Variants in HELZ observed in about 807,000 individuals in gnomAD.
HELZ encodes ATP-dependent RNA helicase with zinc finger domain.
HELZ carries 23 observed loss-of-function variants against 218.2 expected under a neutral mutation model. The ratio of observed to expected loss-of-function variants is 0.11; its 90% CI spans 0.08 to 0.15. The LOEUF is 0.15. Ranked by LOEUF, HELZ falls within the 10% of genes least tolerant of loss-of-function variation. The pLI, the probability that HELZ is intolerant of heterozygous loss-of-function variation, is 1.00. For missense variants in HELZ, 1,813 were observed against 2,353.7 expected (o/e 0.77, Z 4.75); for synonymous variants, 814 against 829.4 (o/e 0.98, Z 0.32).
intron 1 of HELZ, 83 bp downstream of exon 1, chr17:67,245,065 G>A (rs1381765922): frequency 1.0e-6 from 1 of 984,516 alleles, no homozygotes; most frequent in Non-Finnish European, 1.2e-6. Flanking sequence ...GGACACCGGA[G>A]GGGAGTCGGG....
intron 3 of HELZ, among the ~76,000 whole-genome samples, chr17:67,226,129 G>A (rs138530245): frequency 0.011 from 1,601 of 151,520 alleles, 29 homozygotes; most frequent in African/African-American, 0.036. Context: ...GTGTGGTGGC[G>A]TGCACCTGTA....
Position 67,078,379 on chromosome 17 carries a change from C to T in HELZ, c.5702G>A (p.Arg1901Gln), listed in dbSNP as rs777032825. Reference sequence around the variant, plus strand: ...AGGGGGCCTGGGCTTTGGAGGGGCCCGCAGAGCGCTGGCATAGGACATGGC... The same window carrying T: ...AGGGGGCCTGGGCTTTGGAGGGGCCTGCAGAGCGCTGGCATAGGACATGGC... ...KPAMSYASAL[R>Q]APPKPRPPPE... is the part of the protein sequence containing the mutation. The change falls in exon 33 of 33, where the codon CGG (arginine) becomes CAG (glutamine). Residue 1901 changes from arginine to glutamine, a missense_variant. Arg to Gln is a conservative substitution (Grantham distance 43, BLOSUM62 1). Around this residue, in one of 4 missense-constraint regions of HELZ, gnomAD observed 938 missense variants for 1,027.5 expected, o/e 0.91. Transcript: ENST00000358691. 10 of 1,610,128 alleles carry T rather than the reference C, an allele frequency of 6.2e-6. No individual in the cohort carries two copies. Among genetic ancestry groups the T allele is most frequent in the African/African-American group, 1.3e-5 (1 of 74,636 alleles).
intron 31 of HELZ, among the ~76,000 whole-genome samples, chr17:67,099,636 T>C (rs2036860793): frequency 6.6e-6 from 1 of 152,204 alleles, no homozygotes; most frequent in Non-Finnish European, 1.5e-5. Flanking sequence ...AAAGATAGTT[T>C]TAGTTTGAGT....
intron 5 of HELZ, among the ~76,000 whole-genome samples, chr17:67,208,525 T>C (rs2143185905): frequency 6.6e-6 from 1 of 152,286 alleles, no homozygotes; most frequent in Non-Finnish European, 1.5e-5. Flanking sequence ...TAACCTATAA[T>C]TATTTCAGAA....
At chr17:67,168,223 C>T (rs916355793) in intron 13 of HELZ, among the ~76,000 whole-genome samples, 1 of 152,144 alleles carries the variant, frequency 6.6e-6, no homozygotes, top group Non-Finnish European at 1.5e-5. Context: ...AGGTGATCCA[C>T]CCACCTCTGC....
intron 16 of HELZ, 121 bp from the exon 17 acceptor site, chr17:67,160,483 G>A: frequency 1.5e-6 from 1 of 647,072 alleles, no homozygotes; most frequent in Non-Finnish European, 2.7e-6. Flanking sequence ...ACCCTACTCA[G>A]TAATCCCTAG....
chr17:67,071,596 T>A lies in HELZ; in HGVS notation c.*6656A>T, dbSNP rs1409392910. 3.3e-5 allele frequency: 5 copies of A among 152,200 alleles called. No individual in the cohort carries two copies. Among genetic ancestry groups the A allele is most frequent in the Non-Finnish European group, 7.3e-5 (5 of 68,038 alleles). 9.4% of individuals were successfully genotyped at this position (152,200 alleles called of 1,614,324 possible). A position where few individuals can be genotyped will look rare whatever the true frequency, so the allele number is the denominator to read the frequency against. Reference sequence around the variant, plus strand: ...TAAAAATAGCTTTTTTTTGTCTTTCTAGTAGCTCAGTAAATTCAAAGGCAA... The same window carrying A: ...TAAAAATAGCTTTTTTTTGTCTTTCAAGTAGCTCAGTAAATTCAAAGGCAA... On this transcript the variant is annotated 3_prime_UTR_variant, in exon 33 of 33. Coordinates refer to ENST00000358691, the MANE Select transcript of HELZ (RefSeq NM_014877.4).
At chr17:67,216,349 C>A (rs1038123622) in intron 4 of HELZ, among the ~76,000 whole-genome samples, 1 of 152,168 alleles carries the variant, frequency 6.6e-6, no homozygotes, top group African/African-American at 2.4e-5. Context: ...AGTCAACCTA[C>A]GCCTGTGCAG....
chr17:67,157,378 T>C (rs2144090408), intron 17 of HELZ, among the ~76,000 whole-genome samples: 1 of 152,314 alleles, frequency 6.6e-6, no homozygotes, highest in Non-Finnish European at 1.5e-5. Flanking sequence ...TACCTCAAGT[T>C]GAAGCTAGTA....
chr17:67,215,994 T>G, intron 4 of HELZ, 59 bp from the exon 5 acceptor site: 3 of 985,000 alleles, frequency 3.0e-6, no homozygotes, highest in Non-Finnish European at 4.8e-6. Flanking sequence ...TTAACAGAGA[T>G]GTTGTCAAAG....
intron 27 of HELZ, among the ~76,000 whole-genome samples, chr17:67,117,971 T>A (rs2037480754): frequency 6.6e-6 from 1 of 152,172 alleles, no homozygotes; most frequent in Non-Finnish European, 1.5e-5. Flanking sequence ...CTCCCCAAAG[T>A]GACCTAAAGA....
chr17:67,107,772 C>G lies in HELZ; in HGVS notation c.4725-87G>C, dbSNP rs2037153555. 2.6e-6 allele frequency: 3 copies of G among 1,176,008 alleles called. No homozygotes were observed. In the East Asian group the frequency reaches 7.3e-5, roughly 29 times the overall value. 72.8% of individuals were successfully genotyped at this position (1,176,008 alleles called of 1,614,324 possible). On this transcript the variant is annotated intron_variant, in intron 30 of 32. Transcript: ENST00000358691. ...TAGTCAACTACACATGTATTTTCAA[C>G]AAACAAAATCATAGTACTAATAACT...
intron 13 of HELZ, 33 bp downstream of exon 13, chr17:67,178,626 T>C: frequency 1.3e-6 from 2 of 1,559,106 alleles, no homozygotes; most frequent in Non-Finnish European, 1.7e-6. Context: ...AAGGGGAGAT[T>C]TTTTGTTTTA....
In HELZ at chr17:67,092,543, G is replaced by T. The variant is rs373025547; in HGVS notation, c.5242-5462C>A. Reference sequence around the variant, plus strand: ...ATACAGACAAAAAGATAAGGAGACAGACAAGCAAAAATCCGGGAAAAACGA... The same window carrying T: ...ATACAGACAAAAAGATAAGGAGACATACAAGCAAAAATCCGGGAAAAACGA... On this transcript the variant is annotated intron_variant, in intron 31 of 32. Coordinates refer to ENST00000358691, the MANE Select transcript of HELZ (RefSeq NM_014877.4). Among the ~76,000 whole-genome samples the T allele has an allele frequency of 5.9e-5, 9 of 152,256 alleles. No homozygotes were observed. In the East Asian group the frequency reaches 1.3e-3, roughly 23 times the overall value.
intron 7 of HELZ, among the ~76,000 whole-genome samples, chr17:67,200,286 A>T (rs537351005): frequency 6.6e-6 from 1 of 152,218 alleles, no homozygotes; most frequent in South Asian, 2.1e-4. Context: ...GGCCTTTTAC[A>T]TGCCACTGTT....
Position 67,136,027 on chromosome 17 carries a change from T to C in HELZ, c.3125A>G (p.Gln1042Arg). ...KLLNTAITRA[Q>R]SLVAVVGDPI... is the part of the protein sequence containing the mutation. ...ATCACCCACCACAGCAACCAGGGAT[T>C]GTGCTCTTGTGATGGCAGTATTGAG... The change falls in exon 23 of 33, where the codon CAA becomes CGA. Residue 1042 changes from glutamine to arginine, a missense_variant. Gln to Arg is a conservative substitution (Grantham distance 43). Around this residue, in one of 4 missense-constraint regions of HELZ, gnomAD observed 156 missense variants for 274.4 expected, o/e 0.57. Coordinates refer to ENST00000358691, the MANE Select transcript of HELZ (RefSeq NM_014877.4). The C allele has an allele frequency of 6.2e-7, 1 of 1,613,964 alleles. No homozygotes were observed. The highest frequency in any genetic ancestry group is 8.5e-7 in the Non-Finnish European group (1 of 1,179,932).
At position 67,230,805 on chromosome 17, in the gene HELZ, C is replaced by A. The variant is rs915845261; in HGVS notation, c.-19+8628G>T. Among the ~76,000 whole-genome samples the A allele has an allele frequency of 3.9e-5, 6 of 152,190 alleles. No homozygotes were observed. The East Asian group carries it at 1.2e-3, about 29-fold the overall frequency. ...CCCCTTAAAAGCCATCTTCAATTTA[C>A]CAACAGATTATGTTCTAATGCTGTA... On this transcript the variant is annotated intron_variant, in intron 3 of 32. Coordinates refer to ENST00000358691, the MANE Select transcript of HELZ (RefSeq NM_014877.4).
intron 9 of HELZ, among the ~76,000 whole-genome samples, chr17:67,190,912 C>T (rs1257482010): frequency 6.6e-6 from 1 of 152,020 alleles, no homozygotes. Context: ...GTTTCATCAT[C>T]TTGGCCAGGC....
At chr17:67,094,333 A>AAAGAGAGAGAGAG (rs528061407) in intron 31 of HELZ, among the ~76,000 whole-genome samples, 1,718 of 146,578 alleles carry the variant, frequency 0.012, 57 homozygotes, top group African/African-American at 0.043. Context: ...AAAAAAAAAA[A>AAAGAGAGAGAGAG]AGAGAGAGAG....
Sources: gnomAD v4.1 joint callset for allele counts (sites outside exome capture counted in the v4.1 genomes callset) on GRCh38, gnomAD v4.1.1 for gene constraint, gnomAD v4.1.1 regional missense constraint, MANE v1.5 for transcripts, NCBI Gene and HGNC (gene_info 2026-07-23, HGNC 2026-07-21) for gene names.